Variants in QKI observed in about 807,000 individuals in gnomAD.
The protein encoded by QKI is QKI, KH domain containing RNA binding.
In QKI, 10 loss-of-function variants were observed where a neutral mutation model predicts 39.0. The ratio of observed to expected loss-of-function variants is 0.26; its 90% CI spans 0.16 to 0.43. The LOEUF (loss-of-function observed/expected upper bound fraction) is 0.43, where lower values mean the gene tolerates loss of function less well. QKI is among the 20% of genes least tolerant of loss of function. The pLI is 1.00. For synonymous variants in QKI, 204 were observed against 155.4 expected, an observed-to-expected ratio of 1.31 and a Z score of -2.33; for missense variants, 218 against 428.0, an observed-to-expected ratio of 0.51 and a Z score of 4.33.
intron 1 of QKI, chr6:163,415,946 A>C: frequency 2.0e-6 from 1 of 508,958 alleles, no homozygotes; most frequent in South Asian, 1.4e-5. Flanking sequence ...GACCGAAATT[A>C]TGCTGGCGTA....
At position 163,524,529 on chromosome 6, in the gene QKI, C is replaced by T. The variant is rs543763581; in HGVS notation, c.403-10453C>T. ...TGTTGCCCAGGCTGGAGTGCAGTGG[C>T]GTGATCTTGGCTCACCGCAACCTCC... On this transcript the variant is annotated intron_variant, in intron 3 of 7. Transcript: ENST00000361752. Among the ~76,000 whole-genome samples the T allele has an allele frequency of 3.9e-5, 6 of 152,012 alleles. No homozygotes were observed. In the South Asian group the frequency reaches 1.2e-3, roughly 32 times the overall value.
intron 2 of QKI, among the ~76,000 whole-genome samples, chr6:163,460,256 T>C (rs1174227834): frequency 6.6e-6 from 1 of 152,178 alleles, no homozygotes; most frequent in Non-Finnish European, 1.5e-5. Flanking sequence ...TAAAATGGGA[T>C]TTAATTTTGA....
At chr6:163,503,132 CT>C (rs1285237084) in intron 3 of QKI, among the ~76,000 whole-genome samples, 1 of 120,040 alleles carries the variant, frequency 8.3e-6, no homozygotes, top group East Asian at 2.7e-4. Flanking sequence ...TTGTTGGCCC[CT>C]TGTATTTTTT....
intron 2 of QKI, among the ~76,000 whole-genome samples, chr6:163,477,675 A>G (rs1792726433): frequency 6.6e-6 from 1 of 152,156 alleles, no homozygotes; most frequent in South Asian, 2.1e-4. Flanking sequence ...GTGAAATAAG[A>G]TGTATGAAAA....
chr6:163,512,405 T>G (rs1379159685), intron 3 of QKI, among the ~76,000 whole-genome samples: 3 of 152,090 alleles, frequency 2.0e-5, no homozygotes, highest in Non-Finnish European at 4.4e-5. Context: ...TATTTTTTAA[T>G]ATAGAAAGTT....
At chr6:163,464,278 ATT>A (rs146851251) in intron 2 of QKI, among the ~76,000 whole-genome samples, 1 of 147,110 alleles carries the variant, frequency 6.8e-6, no homozygotes. Flanking sequence ...ATTTCCTGGG[ATT>A]TTTTTTTTTT....
At position 163,509,142 on chromosome 6, in the gene QKI, AGTC is replaced by A. The variant is rs1241865580; in HGVS notation, c.403-25839_403-25837del. Among the ~76,000 whole-genome samples, 1,196 of 151,932 alleles carry A rather than the reference AGTC, an allele frequency of 7.9e-3. 15 individuals carry two copies. The highest frequency in any genetic ancestry group is 0.027 in the African/African-American group (1,122 of 41,326). ...GACAGAGTGAGACTCCGTCTCAGTC[AGTC>A]AGTCAATCAGTCAGTCAATCAATCA... On this transcript the variant is annotated intron_variant, in intron 3 of 7. Transcript: ENST00000361752.
chr6:163,569,843 T>G, intron 7 of QKI: 1 of 986,638 alleles, frequency 1.0e-6, no homozygotes, highest in Non-Finnish European at 1.2e-6. Flanking sequence ...TTGGTATCAA[T>G]TAGAAATTTC....
chr6:163,420,586 A>C (rs958972571), intron 1 of QKI, among the ~76,000 whole-genome samples: 2 of 151,968 alleles, frequency 1.3e-5, no homozygotes, highest in African/African-American at 4.8e-5. Context: ...GATCAACGGG[A>C]CTTCATTTTT....
intron 1 of QKI, among the ~76,000 whole-genome samples, chr6:163,440,679 C>A (rs979182715): frequency 6.6e-6 from 1 of 152,144 alleles, no homozygotes; most frequent in Non-Finnish European, 1.5e-5. Context: ...TTTAAGAGGT[C>A]TTATTTTGCT....
intron 4 of QKI, among the ~76,000 whole-genome samples, chr6:163,541,241 C>G (rs772954375): frequency 5.9e-5 from 9 of 151,964 alleles, no homozygotes; most frequent in Non-Finnish European, 1.2e-4. Context: ...TGTTTTATTT[C>G]CAAATGTTTC....
intron 2 of QKI, among the ~76,000 whole-genome samples, chr6:163,465,948 AC>A (rs1414868204): frequency 1.3e-5 from 2 of 151,826 alleles, no homozygotes; most frequent in Non-Finnish European, 2.9e-5. Context: ...ACATGGTGAA[AC>A]CCTGTCTCTA....
At chr6:163,561,091 AAGG>A (rs1782965980) in intron 4 of QKI, among the ~76,000 whole-genome samples, 1 of 152,182 alleles carries the variant, frequency 6.6e-6, no homozygotes, top group African/African-American at 2.4e-5. Context: ...ATTAGATTGA[AAGG>A]AGACAGGGAT....
intron 4 of QKI, among the ~76,000 whole-genome samples, chr6:163,535,651 C>T (rs1257814930): frequency 6.6e-6 from 1 of 151,880 alleles, no homozygotes; most frequent in African/African-American, 2.4e-5. Flanking sequence ...AAAACTAGGG[C>T]TGGGTGCGGT....
intron 4 of QKI, among the ~76,000 whole-genome samples, chr6:163,535,650 G>T (rs993693911): frequency 6.6e-6 from 1 of 151,970 alleles, no homozygotes; most frequent in Non-Finnish European, 1.5e-5. Flanking sequence ...AAAAACTAGG[G>T]CTGGGTGCGG....
Position 163,567,957 on chromosome 6 carries a change from A to G in QKI, c.1009+1162A>G, listed in dbSNP as rs1373270574. 4 of 984,932 alleles carry G rather than the reference A, an allele frequency of 4.1e-6. No homozygotes were observed. In the African/African-American group the frequency reaches 5.2e-5, roughly 13 times the overall value. The allele number at this position is 984,932 out of a possible 1,614,324, so 61.0% of individuals were successfully genotyped here. A position where few individuals can be genotyped will look rare whatever the true frequency, so the allele number is the denominator to read the frequency against. ...GAAATAACATGCCTTTCCCAAAGAC[A>G]TTGTTAATATTTGTTTAGCATAATC... On this transcript the variant is annotated intron_variant, in intron 7 of 7. Coordinates refer to ENST00000361752, the MANE Select transcript of QKI (RefSeq NM_006775.3).
intron 1 of QKI, among the ~76,000 whole-genome samples, chr6:163,416,931 A>G (rs1787559753): frequency 2.9e-5 from 4 of 138,824 alleles, no homozygotes. Context: ...AAAAAAAAAA[A>G]TGCTGGAACT....
chr6:163,517,570 A>T (rs996302373), intron 3 of QKI, among the ~76,000 whole-genome samples: 7 of 152,146 alleles, frequency 4.6e-5, no homozygotes, highest in Non-Finnish European at 7.4e-5. Context: ...GGCGAGCACC[A>T]CCACGTCTGG....
At chr6:163,505,083 A>T (rs1358731853) in intron 3 of QKI, among the ~76,000 whole-genome samples, 3 of 152,222 alleles carry the variant, frequency 2.0e-5, no homozygotes, top group Non-Finnish European at 2.9e-5. Flanking sequence ...CAGAGGACAC[A>T]AGCCCCAAGC....
Sources: gnomAD v4.1 joint callset for allele counts (sites outside exome capture counted in the v4.1 genomes callset) on GRCh38, gnomAD v4.1.1 for gene constraint, MANE v1.5 for transcripts, NCBI Gene and HGNC (gene_info 2026-07-23, HGNC 2026-07-21) for gene names.